The following HECTD4 variants were observed in gnomAD, a reference collection of about 807,000 sequenced individuals.
The protein encoded by HECTD4 is HECT domain E3 ubiquitin protein ligase 4.
A neutral mutation model predicts 471.5 loss-of-function variants in HECTD4; 114 were observed. The observed-to-expected ratio is 0.24, with a 90% CI of 0.21 to 0.28. HECTD4 has a LOEUF of 0.28. Ranked by LOEUF, HECTD4 falls within the 10% of genes least tolerant of loss-of-function variation. The probability of loss-of-function intolerance (pLI) is 1.00; values close to 1 mark genes in which losing one functional copy is unlikely to be tolerated. For synonymous variants in HECTD4, 2,012 were observed against 2,256.0 expected (o/e 0.89, Z 3.07); for missense variants, 3,866 against 5,651.5 (o/e 0.68, Z 10.13).
chr12:112,345,667 C>T (rs1329450630), intron 1 of HECTD4, among the ~76,000 whole-genome samples: 6 of 152,040 alleles, frequency 3.9e-5, no homozygotes, highest in Non-Finnish European at 8.8e-5. Flanking sequence ...CTGGCCAGGC[C>T]GGTGGCTCAC....
At chr12:112,189,915 G>A (rs1222894026) in intron 60 of HECTD4, among the ~76,000 whole-genome samples, 1 of 152,020 alleles carries the variant, frequency 6.6e-6, no homozygotes, top group Non-Finnish European at 1.5e-5. Context: ...CACCATGCCC[G>A]GCCAATTTTT....
At chr12:112,205,143 A>G (rs1028766936) in intron 52 of HECTD4, among the ~76,000 whole-genome samples, 2 of 151,614 alleles carry the variant, frequency 1.3e-5, no homozygotes, top group Admixed American at 1.3e-4. Context: ...AAAAAAAAAA[A>G]AAAAAAAAAT....
At chr12:112,300,969 C>T (rs1402701136) in intron 7 of HECTD4, among the ~76,000 whole-genome samples, 1 of 150,676 alleles carries the variant, frequency 6.6e-6, no homozygotes, top group Non-Finnish European at 1.5e-5. Flanking sequence ...ACTGCAACCT[C>T]CACCTCCCAG....
At position 112,196,865 on chromosome 12, in the gene HECTD4, G is replaced by A. The variant is rs552336467; in HGVS notation, c.8568-1799C>T. 3.0e-3 allele frequency among the ~76,000 whole-genome samples: 453 copies of A among 151,442 alleles called. 2 individuals are homozygous for A. Among genetic ancestry groups the A allele is most frequent in the African/African-American group, 1.0e-2 (411 of 41,234 alleles). ...GGCTGGAGTGCAGTGGTGTGATCTC[G>A]GCTCACTGCAAACTCCGCCTCCCAG... On this transcript the variant is annotated intron_variant, in intron 55 of 75. Coordinates refer to ENST00000682272, the MANE Select transcript of HECTD4 (RefSeq NM_001388303.1).
rs1245142514 is a variant in HECTD4 at position 112,212,610 on chromosome 12, A to C, written c.7506T>G (p.Thr2502=). The change falls in exon 49 of 76, where the codon ACT becomes ACG. Residue 2502 remains threonine (T), a synonymous_variant. Transcript: ENST00000682272. The part of the protein sequence containing the change: ...AGIGWERTEG[T]PPPPGQPAKG... The stretch of plus-strand genomic sequence containing the variant: ...TGGCTGGCTGTCCCGGAGGAGGTGG[A>C]GTCCCCTCAGTTCTCTCCCAGCCAA... 1 of 1,613,836 alleles carries C rather than the reference A, an allele frequency of 6.2e-7. No individual in the cohort carries two copies.
In HECTD4 at chr12:112,228,723, A is replaced by G. The variant is rs766330423; in HGVS notation, c.6608T>C (p.Ile2203Thr). The change falls in exon 42 of 76, where the codon ATA (isoleucine) becomes ACA (threonine). Residue 2203 changes from isoleucine (I) to threonine (T), a missense_variant. Transcript: ENST00000682272. This position sits in a 1 kb window ranked among gnomAD's most constrained non-coding sequence, Gnocchi z 4.9. ...EGIATVRFPP[I>T]DCRKTSQASD... Reference sequence around the variant, plus strand: ...CGCTTGCGAAGTCTTTCTACAGTCTATGGGTGGGAATCTGACTGTAGCTAT... The same window carrying G: ...CGCTTGCGAAGTCTTTCTACAGTCTGTGGGTGGGAATCTGACTGTAGCTAT... 27 of 1,613,316 alleles carry G rather than the reference A, an allele frequency of 1.7e-5. No individual in the cohort carries two copies. Among genetic ancestry groups the G allele is most frequent in the Non-Finnish European group, 2.0e-5 (24 of 1,179,452 alleles).
intron 37 of HECTD4, 73 bp from the exon 38 acceptor site, chr12:112,233,158 C>T: frequency 1.7e-6 from 2 of 1,172,058 alleles, no homozygotes. Flanking sequence ...GCCATGGGGT[C>T]ACCCAGTCAT....
At chr12:112,266,823 GAAGTGTA>G in intron 14 of HECTD4, 82 bp downstream of exon 14, 1 of 730,880 alleles carries the variant, frequency 1.4e-6, no homozygotes, top group South Asian at 1.6e-5. Flanking sequence ...CATACATGAA[GAAGTGTA>G]AATATTATCT....
chr12:112,255,191 C>G (rs1364042669), intron 21 of HECTD4, among the ~76,000 whole-genome samples: 2 of 152,118 alleles, frequency 1.3e-5, no homozygotes, highest in African/African-American at 4.8e-5. Flanking sequence ...AAAACGACAC[C>G]AACTAAAATG....
Position 112,194,843 on chromosome 12 carries a change from G to A in HECTD4, c.8749+42C>T. On this transcript the variant is annotated intron_variant, in intron 56 of 75. Transcript: ENST00000682272. The surrounding 1 kb of genome is among the most constrained non-coding windows in gnomAD (Gnocchi z 4.6). ...ACTACACTGTGCACAGCGCCCGCCTGGTGCTAAGTTCCAGAGTGACAGCAG... is the reference window on the plus strand; with the variant it reads ...ACTACACTGTGCACAGCGCCCGCCTAGTGCTAAGTTCCAGAGTGACAGCAG... The A allele has an allele frequency of 1.9e-6, 3 of 1,555,840 alleles. No homozygotes were observed. The highest frequency in any genetic ancestry group is 1.2e-5 in the South Asian group (1 of 85,366).
chr12:112,342,141 T>C (rs569715166), intron 1 of HECTD4, among the ~76,000 whole-genome samples: 3 of 152,324 alleles, frequency 2.0e-5, no homozygotes, highest in African/African-American at 4.8e-5. Flanking sequence ...TGTTGAACTA[T>C]TGGTCCTATC....
intron 22 of HECTD4, 136 bp downstream of exon 22, chr12:112,253,907 G>T: frequency 1.3e-6 from 1 of 759,318 alleles, no homozygotes; most frequent in Non-Finnish European, 2.1e-6. Context: ...TGAGCTGACA[G>T]GCCTGGTAAG....
chr12:112,314,462 T>C lies in HECTD4; in HGVS notation c.780A>G (p.Leu260=), dbSNP rs1566108548. 5.3e-6 allele frequency: 8 copies of C among 1,507,854 alleles called. No individual in the cohort carries two copies. The African/African-American group carries it at 8.3e-5, about 16-fold the overall frequency. 93.4% of individuals were successfully genotyped at this position (1,507,854 alleles called of 1,614,324 possible). The change falls in exon 3 of 76, where the codon CTA becomes CTG. Residue 260 remains leucine, a synonymous_variant. Coordinates refer to ENST00000682272, the MANE Select transcript of HECTD4 (RefSeq NM_001388303.1). Reference sequence around the variant, plus strand: ...GATACAAAGTGACAACTTACCTATATAGCACATCAGCTACAGGCAGGGACC... The same window carrying C: ...GATACAAAGTGACAACTTACCTATACAGCACATCAGCTACAGGCAGGGACC... ...DLGSLPVADV[L]YRLLLLEGGP...
rs375160645 is a variant in HECTD4, at chr12:112,172,878, G to C, written c.11595-17C>G. The C allele has an allele frequency of 2.5e-6, 4 of 1,611,298 alleles. No individual in the cohort carries two copies. The African/African-American group carries it at 4.0e-5, about 16-fold the overall frequency. ...CATGCGCACCTTGGGGTGGGGACAG[G>C]GGGAGAGGGGCAAAGTGAGGCAGGG... On this transcript the variant is annotated splice_polypyrimidine_tract_variant and intron_variant, in intron 66 of 75. Transcript: ENST00000682272.
chr12:112,216,307 C>T lies in HECTD4; in HGVS notation c.7450G>A (p.Val2484Met), dbSNP rs374974281. The T allele has an allele frequency of 1.6e-5, 25 of 1,553,584 alleles. No individual in the cohort carries two copies. Among genetic ancestry groups the T allele is most frequent in the East Asian group, 4.8e-5 (2 of 41,240 alleles). The change falls in exon 48 of 76, where the codon GTG (valine) becomes ATG (methionine). Residue 2484 changes from valine (V) to methionine (M), a missense_variant. Val to Met is a conservative substitution (Grantham distance 21). Transcript: ENST00000682272. Reference sequence around the variant, plus strand: ...CTGCACTCACCGGGGGAGAGAGTCACGTCTAAGCGAACGCTCTTCCACTGT... The same window carrying T: ...CTGCACTCACCGGGGGAGAGAGTCATGTCTAAGCGAACGCTCTTCCACTGT... ...LLQWKSVRLD[V>M]TLSPGDVAGI...
chr12:112,299,623 A>AAAACAAACAAAC (rs10699631), intron 7 of HECTD4, among the ~76,000 whole-genome samples: 23 of 151,526 alleles, frequency 1.5e-4, no homozygotes, highest in African/African-American at 5.3e-4. Context: ...TCTGTCTCAA[A>AAAACAAACAAAC]AAACAAACAA....
At position 112,160,450 on chromosome 12, in the gene HECTD4, T is replaced by C. The variant is rs952331980; in HGVS notation, c.*1937A>G. The C allele has an allele frequency of 2.6e-5, 4 of 152,308 alleles. No homozygotes were observed. Among genetic ancestry groups the C allele is most frequent in the African/African-American group, 9.6e-5 (4 of 41,566 alleles). The allele number at this position is 152,308 out of a possible 1,614,324, so 9.4% of individuals were successfully genotyped here. ...CAACCATAAATAATTATAATAAATA[T>C]ACATCAAGTAACTTTACAGCACACA... is the stretch of plus-strand genomic sequence containing the variant. On this transcript the variant is annotated 3_prime_UTR_variant, in exon 76 of 76. Transcript: ENST00000682272.
intron 7 of HECTD4, among the ~76,000 whole-genome samples, chr12:112,301,387 T>C (rs1211334733): frequency 1.3e-5 from 2 of 152,046 alleles, no homozygotes; most frequent in African/African-American, 2.4e-5. Flanking sequence ...TTTCACCACG[T>C]TGGCCAGGCT....
At chr12:112,270,556 A>G (rs2034393186) in intron 11 of HECTD4, 97 bp from the exon 12 acceptor site, 2 of 981,032 alleles carry the variant, frequency 2.0e-6, no homozygotes, top group East Asian at 2.4e-5. Flanking sequence ...TGCGCACTAG[A>G]AAAGGATATT....
Sources: allele counts gnomAD v4.1 joint callset (sites outside exome capture counted in the v4.1 genomes callset), GRCh38; gene constraint gnomAD v4.1.1; non-coding constraint Gnocchi (gnomAD v3.1); transcripts MANE v1.5; gene names NCBI Gene and HGNC (gene_info 2026-07-23, HGNC 2026-07-21).